Variants in PRKCZ observed in about 807,000 individuals in gnomAD.
PRKCZ encodes protein kinase C zeta, also known as protein kinase C zeta type.
In PRKCZ, 33 loss-of-function variants were observed where a neutral mutation model predicts 79.5. The ratio of observed to expected loss-of-function variants is 0.41; its 90% CI spans 0.31 to 0.55. PRKCZ has a LOEUF of 0.55. Ranked by LOEUF, PRKCZ falls within the 20% of genes least tolerant of loss-of-function variation. The probability of loss-of-function intolerance (pLI) is 0.19; values close to 1 mark genes in which losing one functional copy is unlikely to be tolerated. For synonymous variants in PRKCZ, 342 were observed against 320.9 expected (o/e 1.07, Z -0.70); for missense variants, 578 against 813.5 (o/e 0.71, Z 3.52).
rs1667948639 is a variant in PRKCZ, at chr1:2,104,068, A to G, written c.335-31194A>G. On this transcript the variant is annotated intron_variant, in intron 4 of 17. Transcript: ENST00000378567. ...CATAATGAGGTTTTCTGGGGAGAGCAGGGGAGGGGGGTCTTCCAGGATGGT... is the reference window on the plus strand; with the variant it reads ...CATAATGAGGTTTTCTGGGGAGAGCGGGGGAGGGGGGTCTTCCAGGATGGT... 2.0e-5 allele frequency among the ~76,000 whole-genome samples: 3 copies of G among 152,156 alleles called. No individual in the cohort carries two copies. In the South Asian group the frequency reaches 6.2e-4, roughly 32 times the overall value.
intron 4 of PRKCZ, among the ~76,000 whole-genome samples, chr1:2,062,992 C>T (rs1660827773): frequency 1.3e-5 from 2 of 151,824 alleles, no homozygotes; most frequent in South Asian, 4.2e-4. Flanking sequence ...ACTTTGGTGA[C>T]TCTAGGGGCC....
intron 4 of PRKCZ, among the ~76,000 whole-genome samples, chr1:2,115,325 C>T (rs1346943582): frequency 1.3e-5 from 2 of 152,248 alleles, no homozygotes; most frequent in Admixed American, 6.5e-5. Context: ...CCACAGACAT[C>T]CGAGCGCCTT....
At chr1:2,104,716 A>G in intron 4 of PRKCZ, 2 of 985,800 alleles carry the variant, frequency 2.0e-6, no homozygotes, top group Non-Finnish European at 1.2e-6. Flanking sequence ...AGGGGTGGTC[A>G]GAACATCGCT....
chr1:2,106,708 G>A (rs567475187), intron 4 of PRKCZ, among the ~76,000 whole-genome samples: 6 of 117,104 alleles, frequency 5.1e-5, no homozygotes, highest in African/African-American at 1.7e-4. Flanking sequence ...TCCGGTGGGC[G>A]AGGACCTCCA....
At chr1:2,176,580 A>G (rs1685543702) in intron 16 of PRKCZ, among the ~76,000 whole-genome samples, 1 of 152,266 alleles carries the variant, frequency 6.6e-6, no homozygotes. Context: ...GGAAAAAAGC[A>G]GATTGGATAG....
intron 4 of PRKCZ, chr1:2,134,991 C>T (rs543724582): frequency 2.7e-5 from 8 of 292,614 alleles, no homozygotes; most frequent in East Asian, 2.6e-4. Context: ...GCGGCCGTCC[C>T]GTGGTGGATC....
chr1:2,133,104 C>G (rs1040264943), intron 4 of PRKCZ, among the ~76,000 whole-genome samples: 13 of 152,316 alleles, frequency 8.5e-5, no homozygotes, highest in African/African-American at 2.4e-4. Context: ...GGACGTCATT[C>G]TCTTTACTGA....
chr1:2,154,478 T>C (rs760165872), intron 9 of PRKCZ, among the ~76,000 whole-genome samples: 9 of 152,126 alleles, frequency 5.9e-5, no homozygotes, highest in Non-Finnish European at 1.3e-4. Context: ...TAATGGTTTG[T>C]TGATTTGTTT....
At chr1:2,073,948 C>G in intron 4 of PRKCZ, 1 of 1,364,950 alleles carries the variant, frequency 7.3e-7, no homozygotes, top group East Asian at 2.9e-5. Context: ...GGGGCATCTC[C>G]CCCGTGGATT....
chr1:2,145,931 C>G (rs1164509171), intron 6 of PRKCZ, 96 bp from the exon 7 acceptor site: 11 of 1,152,428 alleles, frequency 9.5e-6, no homozygotes, highest in Non-Finnish European at 1.3e-5. Flanking sequence ...AAAAAAAGTT[C>G]TTAATTTTAA....
At chr1:2,114,243 C>T (rs1420930251) in intron 4 of PRKCZ, among the ~76,000 whole-genome samples, 2 of 142,044 alleles carry the variant, frequency 1.4e-5, no homozygotes, top group Non-Finnish European at 3.0e-5. Context: ...GTGTTGAGAA[C>T]GTGCTCTCCA....
chr1:2,131,969 A>G (rs376177674), intron 4 of PRKCZ, among the ~76,000 whole-genome samples: 22 of 151,774 alleles, frequency 1.4e-4, no homozygotes, highest in South Asian at 8.4e-4. Flanking sequence ...CCACCACCAC[A>G]CCCGACTAAT....
chr1:2,155,994 G>T lies in PRKCZ; in HGVS notation c.877-1G>T, dbSNP rs778053600. ...TTACCACTCCCTGGTTTCTATTTCA[G>T]GATATTGACTGGGTACAGACAGAGA... is the stretch of plus-strand genomic sequence containing the variant. On this transcript the variant is annotated splice_acceptor_variant, in intron 9 of 17. Transcript: ENST00000378567. LOFTEE classifies it high-confidence loss of function. 4 of 1,613,398 alleles carry T rather than the reference G, an allele frequency of 2.5e-6. No homozygotes were observed. The highest frequency in any genetic ancestry group is 3.4e-6 in the Non-Finnish European group (4 of 1,179,522).
intron 4 of PRKCZ, chr1:2,111,815 G>C (rs1023808638): frequency 6.6e-6 from 1 of 152,276 alleles, no homozygotes; most frequent in Non-Finnish European, 1.5e-5. Context: ...GTGCAGGAGG[G>C]AGGTACGTAG....
At chr1:2,157,843 G>T (rs539425085) in intron 10 of PRKCZ, among the ~76,000 whole-genome samples, 6 of 152,090 alleles carry the variant, frequency 3.9e-5, no homozygotes, top group Non-Finnish European at 7.4e-5. Flanking sequence ...CTGCCTGGCG[G>T]TCATGCAGAA....
intron 4 of PRKCZ, among the ~76,000 whole-genome samples, chr1:2,112,266 T>C (rs190210233): frequency 4.7e-4 from 71 of 152,338 alleles, no homozygotes; most frequent in African/African-American, 1.5e-3. Context: ...TGTGTAGACA[T>C]GATCCTTATG....
intron 4 of PRKCZ, among the ~76,000 whole-genome samples, chr1:2,096,727 CT>C (rs1666591150): frequency 1.3e-5 from 2 of 152,128 alleles, no homozygotes; most frequent in Non-Finnish European, 2.9e-5. Flanking sequence ...GTCTGGGTTG[CT>C]CGTTCAACTC....
intron 16 of PRKCZ, among the ~76,000 whole-genome samples, chr1:2,183,069 T>C (rs559183064): frequency 1.3e-5 from 2 of 152,016 alleles, no homozygotes. Context: ...CTACTAAAAA[T>C]ACAAAAACAA....
At chr1:2,077,946 A>G (rs144121365) in intron 4 of PRKCZ, among the ~76,000 whole-genome samples, 9 of 152,342 alleles carry the variant, frequency 5.9e-5, no homozygotes, top group Middle Eastern at 3.4e-3. Flanking sequence ...CCATGATTGC[A>G]TTCCCTTGTT....
Sources: allele counts gnomAD v4.1 joint callset (sites outside exome capture counted in the v4.1 genomes callset), GRCh38; gene constraint gnomAD v4.1.1; transcripts MANE v1.5; gene names NCBI Gene and HGNC (gene_info 2026-07-23, HGNC 2026-07-21).